AP2B1: variants seen among roughly 807,000 people sequenced by gnomAD.
The protein encoded by AP2B1 is adaptor related protein complex 2 subunit beta 1.
AP2B1 carries 23 observed loss-of-function variants against 102.0 expected under a neutral mutation model. The observed-to-expected ratio is 0.23, with a 90% confidence interval of 0.16 to 0.32. The LOEUF (loss-of-function observed/expected upper bound fraction) is 0.32, where lower values mean the gene tolerates loss of function less well. AP2B1 is among the 10% of genes least tolerant of loss of function. The pLI, the probability that AP2B1 is intolerant of heterozygous loss-of-function variation, is 1.00. For missense variants in AP2B1, 541 were observed against 1,157.4 expected (o/e 0.47, Z 7.73); for synonymous variants, 381 against 421.2 (o/e 0.90, Z 1.17).
At chr17:35,657,986 T>C (rs1176715134) in intron 14 of AP2B1, among the ~76,000 whole-genome samples, 195 bp downstream of exon 14, 1 of 152,228 alleles carries the variant, frequency 6.6e-6, no homozygotes, top group East Asian at 1.9e-4. Flanking sequence ...ATGGGGTATG[T>C]CTGCAAGTGT....
chr17:35,695,810 A>G (rs945506943), intron 18 of AP2B1, among the ~76,000 whole-genome samples: 1 of 152,180 alleles, frequency 6.6e-6, no homozygotes, highest in South Asian at 2.1e-4. Context: ...AATGATAGCT[A>G]CACAGCTACA....
chr17:35,608,254 A>G lies in AP2B1; in HGVS notation c.392A>G (p.Lys131Arg). Residue 131 changes from lysine (K) to arginine (R), a missense_variant, in exon 5 of 22, where the codon AAG (lysine) becomes AGG (arginine). Physicochemically the swap from Lys to Arg is conservative, Grantham distance 26. Coordinates refer to ENST00000610402, the MANE Select transcript of AP2B1 (RefSeq NM_001030006.2). ...YLCEPLRKCL[K>R]DEDPYVRKTA... ...TGTGAGCCGCTCCGCAAGTGCTTGA[A>G]GGATGAGGATCCCTATGTTCGGAAA... is the stretch of plus-strand genomic sequence containing the variant. 6.2e-7 allele frequency: 1 copy of G among 1,614,200 alleles called. No individual in the cohort carries two copies. Among genetic ancestry groups the G allele is most frequent in the Non-Finnish European group, 8.5e-7 (1 of 1,180,046 alleles).
At chr17:35,653,768 G>A (rs935377617) in intron 13 of AP2B1, among the ~76,000 whole-genome samples, 4 of 152,066 alleles carry the variant, frequency 2.6e-5, no homozygotes, top group Admixed American at 1.3e-4. Flanking sequence ...GAGCCACTGC[G>A]CCCGGCTGGA....
chr17:35,611,471 G>A (rs1403656767), intron 5 of AP2B1, among the ~76,000 whole-genome samples: 1 of 152,164 alleles, frequency 6.6e-6, no homozygotes, highest in Non-Finnish European at 1.5e-5. Flanking sequence ...AGTCGTGTGT[G>A]TGTGTGTGTG....
intron 5 of AP2B1, among the ~76,000 whole-genome samples, chr17:35,617,998 ATC>A (rs200869321): frequency 0.063 from 9,528 of 152,248 alleles, 410 homozygotes; most frequent in Middle Eastern, 0.11. Flanking sequence ...TTACTATGTA[ATC>A]AGACTTTCTT....
chr17:35,716,676 G>A (rs1256658540), intron 20 of AP2B1, among the ~76,000 whole-genome samples: 1 of 152,080 alleles, frequency 6.6e-6, no homozygotes, highest in Non-Finnish European at 1.5e-5. Context: ...GTAGCTCTGG[G>A]CCCTTCCTGA....
intron 1 of AP2B1, among the ~76,000 whole-genome samples, chr17:35,590,017 C>CT (rs2073041324): frequency 6.7e-6 from 1 of 150,346 alleles, no homozygotes; most frequent in African/African-American, 2.5e-5. Flanking sequence ...GCTCTGCCTC[C>CT]TGGGTTCACA....
chr17:35,598,504 T>G (rs1404450770), intron 3 of AP2B1, among the ~76,000 whole-genome samples, 169 bp downstream of exon 3: 1 of 152,212 alleles, frequency 6.6e-6, no homozygotes, highest in Non-Finnish European at 1.5e-5. Context: ...AATGCTCTAC[T>G]TTTTGTTTGT....
intron 9 of AP2B1, among the ~76,000 whole-genome samples, chr17:35,631,133 A>G (rs73283336): frequency 0.017 from 2,585 of 152,204 alleles, 73 homozygotes; most frequent in African/African-American, 0.059. Context: ...ACTTTTGCCT[A>G]TTTCTTTCAG....
At chr17:35,635,484 A>G (rs1379621372) in intron 9 of AP2B1, among the ~76,000 whole-genome samples, 2 of 152,156 alleles carry the variant, frequency 1.3e-5, no homozygotes, top group Non-Finnish European at 2.9e-5. Context: ...TCCTGGATTC[A>G]AGCAATTCTC....
intron 18 of AP2B1, among the ~76,000 whole-genome samples, chr17:35,692,103 T>C (rs2076053514): frequency 6.6e-6 from 1 of 152,230 alleles, no homozygotes; most frequent in Non-Finnish European, 1.5e-5. Context: ...CTTCTTTGAA[T>C]GGCCACACAT....
chr17:35,636,396 A>C lies in AP2B1; in HGVS notation c.1211A>C (p.Asn404Thr), dbSNP rs932574938. Residue 404 changes from asparagine (N) to threonine (T), a missense_variant, in exon 10 of 22, where the codon AAT becomes ACT. Physicochemically the swap from Asn to Thr is moderately conservative, Grantham distance 65. This residue lies in a region of AP2B1 where 106 missense variants were observed against 296.4 expected (regional missense o/e 0.36). Transcript: ENST00000610402. ...TLLDLIQTKV[N>T]YVVQEAIVVI... ...CTTGATCTAATCCAGACCAAAGTGAATTATGTGGTCCAAGAAGCAATTGTT... is the reference window on the plus strand; with the variant it reads ...CTTGATCTAATCCAGACCAAAGTGACTTATGTGGTCCAAGAAGCAATTGTT... The C allele has an allele frequency of 6.2e-7, 1 of 1,613,986 alleles. No individual in the cohort carries two copies. The highest frequency in any genetic ancestry group is 8.5e-7 in the Non-Finnish European group (1 of 1,179,978).
chr17:35,723,806 C>G lies in AP2B1; in HGVS notation c.*107C>G. 1 of 805,600 alleles carries G rather than the reference C, an allele frequency of 1.2e-6. No homozygotes were observed. Among genetic ancestry groups the G allele is most frequent in the Middle Eastern group, 3.5e-4 (1 of 2,892 alleles). The allele number at this position is 805,600 out of a possible 1,614,324, so 49.9% of individuals were successfully genotyped here. ...GTAGAATCTGAACACACTGAGGCCA[C>G]CTAGCAAGGTAGTAACTAGTCTAAC... On this transcript the variant is annotated 3_prime_UTR_variant, in exon 22 of 22. Transcript: ENST00000610402.
At chr17:35,614,453 G>C (rs911090725) in intron 5 of AP2B1, among the ~76,000 whole-genome samples, 1 of 152,010 alleles carries the variant, frequency 6.6e-6, no homozygotes, top group South Asian at 2.1e-4. Flanking sequence ...GCCTCTCAAA[G>C]TACTGAGATT....
intron 2 of AP2B1, 151 bp downstream of exon 2, chr17:35,594,218 TCAAG>T: frequency 1.8e-6 from 1 of 548,696 alleles, no homozygotes; most frequent in Non-Finnish European, 3.3e-6. Context: ...ATGAATGTAT[TCAAG>T]CAAGTTATTA....
chr17:35,602,159 A>G (rs1429351290), intron 3 of AP2B1, among the ~76,000 whole-genome samples: 2 of 152,322 alleles, frequency 1.3e-5, no homozygotes, highest in South Asian at 2.1e-4. Flanking sequence ...TCATTATTCA[A>G]ACAAAAGGCT....
intron 16 of AP2B1, among the ~76,000 whole-genome samples, chr17:35,673,272 G>A (rs796102248): frequency 2.0e-5 from 3 of 151,964 alleles, no homozygotes; most frequent in South Asian, 4.1e-4. Flanking sequence ...GTGCAGTGGC[G>A]TGATCTTGGC....
chr17:35,669,746 A>G (rs8076483), intron 14 of AP2B1, among the ~76,000 whole-genome samples: 44 of 152,208 alleles, frequency 2.9e-4, no homozygotes, highest in Non-Finnish European at 5.6e-4. Context: ...TCTTTCCCCA[A>G]TCTTAAAGAT....
intron 20 of AP2B1, among the ~76,000 whole-genome samples, chr17:35,714,610 T>C (rs2076515307): frequency 1.3e-5 from 2 of 152,202 alleles, no homozygotes; most frequent in South Asian, 4.2e-4. Context: ...TTTGGGAGCC[T>C]GAGGCAGGAG....
Sources: gnomAD v4.1 joint callset for allele counts (sites outside exome capture counted in the v4.1 genomes callset) on GRCh38, gnomAD v4.1.1 for gene constraint, gnomAD v4.1.1 regional missense constraint, MANE v1.5 for transcripts, NCBI Gene and HGNC (gene_info 2026-07-23, HGNC 2026-07-21) for gene names.